The following ZACN variants were observed in gnomAD, a reference collection of about 807,000 sequenced individuals.
ZACN encodes the protein zinc activated ion channel.
ZACN carries 52 observed loss-of-function variants against 38.9 expected under a neutral mutation model. The ratio of observed to expected loss-of-function variants is 1.34; its 90% CI spans 1.07 to 1.68. The LOEUF is 1.68. ZACN is among the 40% of genes most tolerant of loss of function. The pLI is 0.00. For missense variants in ZACN, 559 were observed against 525.6 expected, an observed-to-expected ratio of 1.06 and a Z score of -0.62; for synonymous variants, 235 against 227.4, an observed-to-expected ratio of 1.03 and a Z score of -0.30.
At position 76,081,261 on chromosome 17, in the gene ZACN, T is replaced by A; in HGVS notation, c.545-17T>A. ...ATCTCTCCTTCCTGGTTCATAGTTC[T>A]CATTCCCACCCCTCAGCGATGGAGT... On this transcript the variant is annotated splice_polypyrimidine_tract_variant and intron_variant, in intron 5 of 8. Transcript: ENST00000334586. 6.2e-7 allele frequency: 1 copy of A among 1,613,070 alleles called. No homozygotes were observed. Among genetic ancestry groups the A allele is most frequent in the Non-Finnish European group, 8.5e-7 (1 of 1,179,816 alleles).
intron 5 of ZACN, chr17:76,080,660 T>C (rs1488440279): frequency 1.0e-5 from 7 of 672,602 alleles, no homozygotes; most frequent in East Asian, 5.9e-5. Flanking sequence ...TGCTCAGCGG[T>C]AGCCTCAGGG....
chr17:76,082,464 G>C lies in ZACN; in HGVS notation c.1050G>C (p.Glu350Asp), dbSNP rs770213258. The C allele has an allele frequency of 1.2e-5, 19 of 1,605,122 alleles. No individual in the cohort carries two copies. The African/African-American group carries it at 2.1e-4, about 18-fold the overall frequency. Reference sequence around the variant, plus strand: ...CTTTCCCTGTATCTCTCCCCACAGAGCCCTCCAGAGGAGTAAAGGGGTCAC... The same window carrying C: ...CTTTCCCTGTATCTCTCCCCACAGACCCCTCCAGAGGAGTAAAGGGGTCAC... ...HGNPGPHPAE[E>D]PSRGVKGSQR... Residue 350 changes from glutamate to aspartate, a missense_variant and splice_region_variant, in exon 9 of 9, where the codon GAG becomes GAC. Physicochemically the swap from Glu to Asp is conservative, Grantham distance 45 (BLOSUM62 2). Coordinates refer to ENST00000334586, the MANE Select transcript of ZACN (RefSeq NM_180990.4).
chr17:76,080,834 G>A (rs777575314), intron 5 of ZACN: 2 of 473,664 alleles, frequency 4.2e-6, no homozygotes, highest in South Asian at 3.1e-5. Flanking sequence ...GGTTGCCATG[G>A]CCTCACTCCT....
At chr17:76,080,566 T>A in intron 5 of ZACN, 142 bp downstream of exon 5, 1 of 1,192,546 alleles carries the variant, frequency 8.4e-7, no homozygotes, top group Non-Finnish European at 1.2e-6. Context: ...CCCAGGTCTG[T>A]GTTCAGAGCA....
rs572424047 is a variant in ZACN at position 76,081,694 on chromosome 17, C to T, written c.819C>T (p.Leu273=). ...AGGTGACATTGCTGCTGAGTTACCTCGTCCTCCACTCCTCCCTGGTGCAGG... is the reference window on the plus strand; with the variant it reads ...AGGTGACATTGCTGCTGAGTTACCTTGTCCTCCACTCCTCCCTGGTGCAGG... ...GYKVTLLLSY[L]VLHSSLVQAL... Residue 273 remains leucine, a synonymous_variant, in exon 7 of 9, where the codon CTC becomes CTT. Transcript: ENST00000334586. 2.1e-5 allele frequency: 34 copies of T among 1,614,138 alleles called. No individual in the cohort carries two copies. Among genetic ancestry groups the T allele is most frequent in the Admixed American group, 3.3e-5 (2 of 60,024 alleles).
Position 76,079,189 on chromosome 17 carries a change from C to A in ZACN, c.-76C>A. On this transcript the variant is annotated 5_prime_UTR_variant, in exon 1 of 9. Transcript: ENST00000334586. Reference sequence around the variant, plus strand: ...GAGCAGCTGCCTCTGGCTAATTGCTCAGCTGCCAGAGAAGTGACTGGAATA... The same window carrying A: ...GAGCAGCTGCCTCTGGCTAATTGCTAAGCTGCCAGAGAAGTGACTGGAATA... 1 of 1,423,280 alleles carries A rather than the reference C, an allele frequency of 7.0e-7. No individual in the cohort carries two copies. The highest frequency in any genetic ancestry group is 1.4e-5 in the South Asian group (1 of 72,074). 88.2% of individuals were successfully genotyped at this position (1,423,280 alleles called of 1,614,324 possible). A position where few individuals can be genotyped will look rare whatever the true frequency, so the allele number is the denominator to read the frequency against.
chr17:76,079,374 C>T lies in ZACN; in HGVS notation c.97+13C>T. On this transcript the variant is annotated intron_variant, in intron 1 of 8. Transcript: ENST00000334586. ...GGGACAGCAGCCAGTAGGTGGAGGGCAAGGTCATAAGCTTTGGGACTTGGG... is the reference window on the plus strand; with the variant it reads ...GGGACAGCAGCCAGTAGGTGGAGGGTAAGGTCATAAGCTTTGGGACTTGGG... 6.2e-7 allele frequency: 1 copy of T among 1,614,012 alleles called. No homozygotes were observed. The highest frequency in any genetic ancestry group is 8.5e-7 in the Non-Finnish European group (1 of 1,179,896).
rs1279538940 is a variant in ZACN at position 76,079,971 on chromosome 17, A to G, written c.351A>G (p.Thr117=). 1 of 1,588,158 alleles carries G rather than the reference A, an allele frequency of 6.3e-7. No homozygotes were observed. Among genetic ancestry groups the G allele is most frequent in the Non-Finnish European group, 8.6e-7 (1 of 1,167,432 alleles). The change falls in exon 4 of 9, where the codon ACA becomes ACG. Residue 117 remains threonine, a synonymous_variant. Transcript: ENST00000334586. The part of the protein sequence containing the change: ...AITLPWESLW[T]PRLTILEALW... ...CGCTGCCCTGGGAGTCTCTCTGGACACCAAGGCTCACCATCCTGGAGGCGT... is the reference window on the plus strand; with the variant it reads ...CGCTGCCCTGGGAGTCTCTCTGGACGCCAAGGCTCACCATCCTGGAGGCGT...
At position 76,079,268 on chromosome 17, in the gene ZACN, A is replaced by G. The variant is rs766501270; in HGVS notation, c.4A>G (p.Met2Val). 1 of 1,611,660 alleles carries G rather than the reference A, an allele frequency of 6.2e-7. No homozygotes were observed. The highest frequency in any genetic ancestry group is 8.5e-7 in the Non-Finnish European group (1 of 1,178,174). ...CTCCAGTCCCTCCGTGCAGCCGATG[A>G]TGGCCCTATGGTCCCTGCTCCATCT... M[M>V]ALWSLLHLTF... The change falls in exon 1 of 9, where the codon ATG (methionine) becomes GTG (valine). Residue 2 changes from methionine to valine, a missense_variant. Met to Val is a conservative substitution (Grantham distance 21, BLOSUM62 1). Coordinates refer to ENST00000334586, the MANE Select transcript of ZACN (RefSeq NM_180990.4).
Position 76,079,549 on chromosome 17 carries a change from A to G in ZACN, c.208A>G (p.Asn70Asp), listed in dbSNP as rs1258286798. The stretch of plus-strand genomic sequence containing the variant: ...CGTGGATGTGCGGGTGTTTGTCTCC[A>G]ACGTGTTTAATGTGGTAAGTGCCTC... Reference protein sequence around the residue: ...LLVDVRVFVSNVFNVDILRYT... With the variant: ...LLVDVRVFVSDVFNVDILRYT... Residue 70 changes from asparagine to aspartate, a missense_variant, in exon 2 of 9, where the codon AAC becomes GAC. By Grantham distance (23) the Asn-to-Asp change is conservative. Transcript: ENST00000334586. 1 of 1,614,056 alleles carries G rather than the reference A, an allele frequency of 6.2e-7. No homozygotes were observed. The highest frequency in any genetic ancestry group is 8.5e-7 in the Non-Finnish European group (1 of 1,180,038).
chr17:76,082,018 G>A lies in ZACN; in HGVS notation c.1017G>A (p.Glu339=), dbSNP rs1473924927. 2 of 1,611,280 alleles carry A rather than the reference G, an allele frequency of 1.2e-6. No homozygotes were observed. The highest frequency in any genetic ancestry group is 8.5e-7 in the Non-Finnish European group (1 of 1,179,318). Residue 339 remains glutamate, a synonymous_variant, in exon 8 of 9, where the codon GAG becomes GAA. Transcript: ENST00000334586. The stretch of plus-strand genomic sequence containing the variant: ...CAGCCCCGAGAGGGGAACAGCGAGA[G>A]CACGGCAACCCAGGGCCTCATCCTG... The part of the protein sequence containing the change: ...PSPAPRGEQR[E]HGNPGPHPAE...
At position 76,081,555 on chromosome 17, in the gene ZACN, A is replaced by G. The variant is rs373431850; in HGVS notation, c.680A>G (p.Lys227Arg). 32 of 1,613,556 alleles carry G rather than the reference A, an allele frequency of 2.0e-5. No homozygotes were observed. Among genetic ancestry groups the G allele is most frequent in the Non-Finnish European group, 2.5e-5 (29 of 1,180,018 alleles). Reference protein sequence around the residue: ...VPCFQVTLRLKNTALKSIIAL... With the variant: ...VPCFQVTLRLRNTALKSIIAL... ...CTTTTCCCCTTCCAGCTGAGGCTGA[A>G]GAACACGGCGCTCAAGTCCATCATC... Residue 227 changes from lysine (K) to arginine (R), a missense_variant, in exon 7 of 9, where the codon AAG (lysine) becomes AGG (arginine). Lys to Arg is a conservative substitution (Grantham distance 26, BLOSUM62 2). Transcript: ENST00000334586.
In ZACN at chr17:76,082,376, C is replaced by T. The variant is rs1379273683; in HGVS notation, c.1049-87C>T. On this transcript the variant is annotated intron_variant, in intron 8 of 8. Coordinates refer to ENST00000334586, the MANE Select transcript of ZACN (RefSeq NM_180990.4). ...TGAGAATCTAAGAAAGGAAGCGATA[C>T]AGGCTGATGACCCCTGGGGTTCGCT... 7 of 1,351,750 alleles carry T rather than the reference C, an allele frequency of 5.2e-6. No homozygotes were observed. In the African/African-American group the frequency reaches 8.8e-5, roughly 17 times the overall value. The allele number at this position is 1,351,750 out of a possible 1,614,324, so 83.7% of individuals were successfully genotyped here.
At position 76,080,439 on chromosome 17, in the gene ZACN, G is replaced by A. The variant is rs1057503857; in HGVS notation, c.544+15G>A. ...CAGCAACACGGGTGCTGACAGGGCA[G>A]GGGCTGCAGGGTTGAGGAGGGGAGG... On this transcript the variant is annotated intron_variant, in intron 5 of 8. Transcript: ENST00000334586. The A allele has an allele frequency of 3.7e-6, 6 of 1,612,714 alleles. No homozygotes were observed. The highest frequency in any genetic ancestry group is 2.2e-5 in the South Asian group (2 of 91,078).
rs373637080 is a variant in ZACN, at chr17:76,081,514, G to A, written c.670-31G>A. 2.4e-5 allele frequency: 39 copies of A among 1,610,424 alleles called. No individual in the cohort carries two copies. In the African/African-American group the frequency reaches 3.6e-4, roughly 15 times the overall value. Reference sequence around the variant, plus strand: ...CCCGATGCCCACCTCCTTCCCCCCCGCCGGGAAGGCCCTGACTTTTCCCCT... The same window carrying A: ...CCCGATGCCCACCTCCTTCCCCCCCACCGGGAAGGCCCTGACTTTTCCCCT... On this transcript the variant is annotated intron_variant, in intron 6 of 8. Transcript: ENST00000334586.
In ZACN at chr17:76,082,707, G is replaced by A. The variant is rs1456889202; in HGVS notation, c.*54G>A. ...GGATGAAGTTTGCTTTCCCATGGCT[G>A]GGGGCGGGCCATGACAGGGCCTCTG... On this transcript the variant is annotated 3_prime_UTR_variant, in exon 9 of 9. Transcript: ENST00000334586. 4 of 1,520,498 alleles carry A rather than the reference G, an allele frequency of 2.6e-6. No individual in the cohort carries two copies. Among genetic ancestry groups the A allele is most frequent in the Non-Finnish European group, 3.5e-6 (4 of 1,133,052 alleles). The allele number at this position is 1,520,498 out of a possible 1,614,324, so 94.2% of individuals were successfully genotyped here. A position where few individuals can be genotyped will look rare whatever the true frequency, so the allele number is the denominator to read the frequency against.
At chr17:76,080,202 C>T (rs7210718) in intron 4 of ZACN, 53 bp from the exon 5 acceptor site, 23,431 of 1,558,448 alleles carry the variant, frequency 0.015, 445 homozygotes, top group African/African-American at 0.078. Context: ...GGTCTCCCCC[C>T]GGCCCCGTCC....
chr17:76,082,371 C>A, intron 8 of ZACN, 92 bp from the exon 9 acceptor site: 1 of 1,308,730 alleles, frequency 7.6e-7, no homozygotes, highest in Non-Finnish European at 1.0e-6. Flanking sequence ...AGAAAGGAAG[C>A]GATACAGGCT....
At chr17:76,080,559 A>G (rs2066934354) in intron 5 of ZACN, 135 bp downstream of exon 5, 1 of 1,309,058 alleles carries the variant, frequency 7.6e-7, no homozygotes. Flanking sequence ...GCGAACTCCC[A>G]GGTCTGTGTT....
Sources: gnomAD v4.1 joint callset for allele counts on GRCh38, gnomAD v4.1.1 for gene constraint, MANE v1.5 for transcripts, NCBI Gene and HGNC (gene_info 2026-07-23, HGNC 2026-07-21) for gene names.